The following CLYBL variants were observed in gnomAD, a reference collection of about 807,000 sequenced individuals.
CLYBL encodes citramalyl-CoA lyase, mitochondrial.
Under a neutral mutation model 38.9 loss-of-function variants are expected in CLYBL, and 31 were observed. The observed-to-expected ratio is 0.80, with a 90% CI of 0.60 to 1.08. The LOEUF is 1.08. Ranked by LOEUF, CLYBL falls within the 50% of genes least tolerant of loss-of-function variation. The pLI, the probability that CLYBL is intolerant of heterozygous loss-of-function variation, is 0.00. For missense variants in CLYBL, 434 were observed against 411.6 expected (o/e 1.05, Z -0.47); for synonymous variants, 171 against 158.6 (o/e 1.08, Z -0.59).
chr13:99,819,068 A>T (rs2050519424), intron 2 of CLYBL, among the ~76,000 whole-genome samples: 1 of 152,104 alleles, frequency 6.6e-6, no homozygotes, highest in Non-Finnish European at 1.5e-5. Context: ...TTAATAGGCC[A>T]GGCGTGGTGG....
At chr13:99,689,789 G>T (rs139514321) in intron 1 of CLYBL, among the ~76,000 whole-genome samples, 1 of 149,944 alleles carries the variant, frequency 6.7e-6, no homozygotes, top group Non-Finnish European at 1.5e-5. Flanking sequence ...TTTTTTAAAA[G>T]GATTTAACTT....
chr13:99,723,368 C>T (rs771456038), intron 1 of CLYBL, among the ~76,000 whole-genome samples: 1 of 152,334 alleles, frequency 6.6e-6, no homozygotes, highest in African/African-American at 2.4e-5. Flanking sequence ...ATTGCCATCA[C>T]ATACCAATGA....
At chr13:99,886,836 T>A (rs2152128515) in intron 7 of CLYBL, among the ~76,000 whole-genome samples, 1 of 152,206 alleles carries the variant, frequency 6.6e-6, no homozygotes, top group Non-Finnish European at 1.5e-5. Flanking sequence ...GCTTCTTCCT[T>A]CCCTCTCCCC....
chr13:99,629,769 A>G (rs2046917728), intron 1 of CLYBL, among the ~76,000 whole-genome samples: 1 of 151,886 alleles, frequency 6.6e-6, no homozygotes, highest in Non-Finnish European at 1.5e-5. Flanking sequence ...TCTGGGTGAA[A>G]CCACTGCACG....
chr13:99,669,206 G>A (rs1012263677), intron 1 of CLYBL, among the ~76,000 whole-genome samples: 13 of 152,020 alleles, frequency 8.6e-5, no homozygotes, highest in Admixed American at 5.9e-4. Context: ...ATTTTACCAC[G>A]TTGACCAGGA....
chr13:99,692,290 T>G (rs375518426), intron 1 of CLYBL, among the ~76,000 whole-genome samples: 2 of 124,640 alleles, frequency 1.6e-5, no homozygotes. Context: ...TTTTTTGTTT[T>G]TTTTTTTTTG....
At chr13:99,846,685 G>A (rs372136689) in intron 2 of CLYBL, among the ~76,000 whole-genome samples, 3 of 152,190 alleles carry the variant, frequency 2.0e-5, no homozygotes, top group Non-Finnish European at 2.9e-5. Context: ...ATTAGCATTG[G>A]CTCAGTTTGT....
At chr13:99,847,119 A>G (rs1886035) in intron 2 of CLYBL, among the ~76,000 whole-genome samples, 100,424 of 151,988 alleles carry the variant, frequency 0.66, 33,372 homozygotes, top group East Asian at 0.77. Context: ...TAAACTGCTC[A>G]GGCCAGGGAC....
At chr13:99,655,449 G>A (rs1034744650) in intron 1 of CLYBL, among the ~76,000 whole-genome samples, 3 of 152,232 alleles carry the variant, frequency 2.0e-5, no homozygotes, top group Non-Finnish European at 4.4e-5. Context: ...GTGACTCATG[G>A]AATGAAGACA....
chr13:99,632,544 C>A (rs2046960287), intron 1 of CLYBL, among the ~76,000 whole-genome samples: 1 of 152,172 alleles, frequency 6.6e-6, no homozygotes, highest in Non-Finnish European at 1.5e-5. Context: ...AAGTTTGAGA[C>A]CAGCCTGGCC....
chr13:99,789,240 C>T (rs1222014854), intron 2 of CLYBL, among the ~76,000 whole-genome samples: 3 of 152,138 alleles, frequency 2.0e-5, no homozygotes, highest in African/African-American at 7.2e-5. Flanking sequence ...CTTCTGCTAG[C>T]TTTTGAGTTT....
Position 99,849,302 on chromosome 13 carries a change from A to C in CLYBL, c.250-9559A>C, listed in dbSNP as rs187541117. ...CGTGGTGGGAGGATTGCTTGAGCCC[A>C]GGAGTTTAAGACCAGCCTGGGCAAC... On this transcript the variant is annotated intron_variant, in intron 2 of 8. Coordinates refer to ENST00000339105, the MANE Select transcript of CLYBL (RefSeq NM_206808.5). The surrounding 1 kb of genome is among the most constrained non-coding windows in gnomAD (Gnocchi z 4.9). Among the ~76,000 whole-genome samples, 190 of 151,852 alleles carry C rather than the reference A, an allele frequency of 1.3e-3. 1 individual carries two copies. Among genetic ancestry groups the C allele is most frequent in the African/African-American group, 3.8e-3 (158 of 41,392 alleles).
downstream of CLYBL, among the ~76,000 whole-genome samples, chr13:99,898,375 C>T (rs2052606482): frequency 6.6e-6 from 1 of 152,214 alleles, no homozygotes; most frequent in Non-Finnish European, 1.5e-5. Flanking sequence ...GGGGGATGGT[C>T]TTTTGAGTTC....
At chr13:99,684,985 G>C (rs984894224) in intron 1 of CLYBL, among the ~76,000 whole-genome samples, 1 of 152,222 alleles carries the variant, frequency 6.6e-6, no homozygotes, top group Non-Finnish European at 1.5e-5. Context: ...CGTAATTGGA[G>C]TTCTTAGCAA....
chr13:99,639,852 G>T (rs2047069616), intron 1 of CLYBL, among the ~76,000 whole-genome samples: 1 of 152,192 alleles, frequency 6.6e-6, no homozygotes, highest in Admixed American at 6.5e-5. Context: ...AGCCATGATT[G>T]TACCAGTGCA....
intron 1 of CLYBL, among the ~76,000 whole-genome samples, chr13:99,654,734 C>T (rs1406327654): frequency 3.3e-5 from 5 of 152,132 alleles, no homozygotes; most frequent in African/African-American, 7.2e-5. Flanking sequence ...GGCCGGATGC[C>T]GTGGCTCACG....
At chr13:99,615,834 TTTG>T (rs1451747492) in intron 1 of CLYBL, among the ~76,000 whole-genome samples, 2 of 152,046 alleles carry the variant, frequency 1.3e-5, no homozygotes, top group Non-Finnish European at 1.5e-5. Flanking sequence ...GCTTTGATTT[TTTG>T]TTGTTGTTTA....
intron 1 of CLYBL, among the ~76,000 whole-genome samples, chr13:99,682,654 C>T (rs1381334622): frequency 6.6e-6 from 1 of 152,012 alleles, no homozygotes; most frequent in Non-Finnish European, 1.5e-5. Flanking sequence ...ACTTTGTAAA[C>T]ACTATATACT....
At chr13:99,710,804 G>C (rs2048218090) in intron 1 of CLYBL, among the ~76,000 whole-genome samples, 1 of 151,554 alleles carries the variant, frequency 6.6e-6, no homozygotes, top group Non-Finnish European at 1.5e-5. Flanking sequence ...AGATGAAGTG[G>C]AAAATAACCT....
Sources: gnomAD v4.1 joint callset for allele counts (sites outside exome capture counted in the v4.1 genomes callset) on GRCh38, gnomAD v4.1.1 for gene constraint, Gnocchi (gnomAD v3.1) non-coding constraint, MANE v1.5 for transcripts, NCBI Gene and HGNC (gene_info 2026-07-23, HGNC 2026-07-21) for gene names.